Variants in NWD2 observed in about 807,000 individuals in gnomAD.
The protein encoded by NWD2 is NACHT and WD repeat domain-containing protein 2.
NWD2 carries 37 observed loss-of-function variants against 132.7 expected under a neutral mutation model. That is an observed-to-expected ratio of 0.28 (90% confidence interval 0.21 to 0.37). NWD2 has a LOEUF of 0.37. Ranked by LOEUF, NWD2 falls within the 10% of genes least tolerant of loss-of-function variation. The probability of loss-of-function intolerance (pLI) is 1.00; values close to 1 mark genes in which losing one functional copy is unlikely to be tolerated. For missense variants in NWD2, 1,592 were observed against 2,122.4 expected (o/e 0.75, Z 4.91); for synonymous variants, 705 against 803.0 (o/e 0.88, Z 2.06).
chr4:37,267,626 C>T (rs1369758681), intron 1 of NWD2, among the ~76,000 whole-genome samples: 1 of 151,962 alleles, frequency 6.6e-6, no homozygotes, highest in African/African-American at 2.4e-5. Flanking sequence ...AAGTCGTGGG[C>T]TGTAAATTTG....
intron 1 of NWD2, among the ~76,000 whole-genome samples, chr4:37,312,496 C>A (rs1378538303): frequency 6.6e-5 from 10 of 151,082 alleles, no homozygotes; most frequent in Admixed American, 1.3e-4. Context: ...TGAGACTTTG[C>A]TGAAGTTGCT....
chr4:37,428,124 G>A (rs537019199), intron 3 of NWD2, among the ~76,000 whole-genome samples: 1 of 152,238 alleles, frequency 6.6e-6, no homozygotes, highest in Admixed American at 6.5e-5. Context: ...TAGAATTTAG[G>A]TCATGAATTT....
chr4:37,287,751 A>G (rs969596710), intron 1 of NWD2, among the ~76,000 whole-genome samples: 6 of 152,132 alleles, frequency 3.9e-5, no homozygotes, highest in Non-Finnish European at 8.8e-5. Context: ...AGACAAGTGG[A>G]TTTCCCCCTA....
chr4:37,360,263 C>T (rs1267299540), intron 3 of NWD2, among the ~76,000 whole-genome samples: 2 of 152,046 alleles, frequency 1.3e-5, no homozygotes, highest in African/African-American at 4.8e-5. Context: ...GACCAAATAA[C>T]TTAAAATGTA....
chr4:37,268,492 T>G (rs573213214), intron 1 of NWD2, among the ~76,000 whole-genome samples: 15 of 152,072 alleles, frequency 9.9e-5, no homozygotes, highest in Admixed American at 9.9e-4. Context: ...CTCTGTTGTA[T>G]TCATCTATGG....
intron 3 of NWD2, among the ~76,000 whole-genome samples, chr4:37,404,049 T>C (rs1052441229): frequency 1.3e-5 from 2 of 152,142 alleles, no homozygotes; most frequent in Non-Finnish European, 2.9e-5. Flanking sequence ...ATCCCTTAAA[T>C]ACCATTACAT....
At chr4:37,276,974 G>A (rs1718031225) in intron 1 of NWD2, among the ~76,000 whole-genome samples, 1 of 151,964 alleles carries the variant, frequency 6.6e-6, no homozygotes, top group Admixed American at 6.6e-5. Flanking sequence ...TCACACACCG[G>A]GGCCTGTTGT....
intron 3 of NWD2, among the ~76,000 whole-genome samples, chr4:37,420,064 A>G (rs1711758709): frequency 6.6e-6 from 1 of 152,188 alleles, no homozygotes; most frequent in African/African-American, 2.4e-5. Context: ...AAGCAAAAAG[A>G]TCTTATCACA....
rs561819030 is a variant in NWD2 at position 37,344,550 on chromosome 4, G to A, written c.241-11816G>A. On this transcript the variant is annotated intron_variant, in intron 2 of 6. Transcript: ENST00000309447. ...ATTACAAAAGACTTCCATCAGTGGC[G>A]AATAAATGATGTGATACTTTGGCTT... Among the ~76,000 whole-genome samples, 10 of 152,190 alleles carry A rather than the reference G, an allele frequency of 6.6e-5. 1 individual carries two copies. The highest frequency in any genetic ancestry group is 4.2e-4 in the South Asian group (2 of 4,818).
At chr4:37,336,812 G>A (rs182341694) in intron 2 of NWD2, among the ~76,000 whole-genome samples, 1,876 of 151,878 alleles carry the variant, frequency 0.012, 34 homozygotes, top group Admixed American at 0.04. Flanking sequence ...GCTGGTGGGC[G>A]CCTGTAATCC....
intron 1 of NWD2, among the ~76,000 whole-genome samples, chr4:37,250,737 G>A (rs1717341452): frequency 6.6e-6 from 1 of 152,196 alleles, no homozygotes; most frequent in Non-Finnish European, 1.5e-5. Flanking sequence ...CTACAGTCAT[G>A]CATTGCTTAA....
chr4:37,244,928 G>A lies in NWD2; in HGVS notation c.-140G>A. The stretch of plus-strand genomic sequence containing the variant: ...CTGTGCGCCACGGAGCTCGCCAAAG[G>A]CGCTTCGGGCTCGGAGCGGCTCTGA... On this transcript the variant is annotated 5_prime_UTR_variant, in exon 1 of 7. Transcript: ENST00000309447. This position sits in a 1 kb window ranked among gnomAD's most constrained non-coding sequence, Gnocchi z 5.5. The A allele has an allele frequency of 8.9e-7, 1 of 1,123,888 alleles. No individual in the cohort carries two copies. The highest frequency in any genetic ancestry group is 1.6e-5 in the African/African-American group (1 of 61,208). The allele number at this position is 1,123,888 out of a possible 1,614,324, so 69.6% of individuals were successfully genotyped here. A position where few individuals can be genotyped will look rare whatever the true frequency, so the allele number is the denominator to read the frequency against.
At chr4:37,253,365 G>T (rs1394674282) in intron 1 of NWD2, among the ~76,000 whole-genome samples, 1 of 152,174 alleles carries the variant, frequency 6.6e-6, no homozygotes, top group Non-Finnish European at 1.5e-5. Context: ...CTCACTGGAG[G>T]TGGTGGACCT....
chr4:37,252,736 G>A (rs1051212841), intron 1 of NWD2, among the ~76,000 whole-genome samples: 1 of 152,188 alleles, frequency 6.6e-6, no homozygotes, highest in Non-Finnish European at 1.5e-5. Flanking sequence ...CCAGCTTTTC[G>A]CTCATCTTTC....
chr4:37,255,705 G>A (rs962337289), intron 1 of NWD2, among the ~76,000 whole-genome samples: 2 of 152,250 alleles, frequency 1.3e-5, no homozygotes, highest in Admixed American at 1.3e-4. Context: ...TAATCATAAG[G>A]GAGGACTGAG....
chr4:37,335,688 C>T (rs1252996102), intron 2 of NWD2, among the ~76,000 whole-genome samples: 2 of 151,606 alleles, frequency 1.3e-5, no homozygotes, highest in Non-Finnish European at 2.9e-5. Context: ...GTGAACTGTG[C>T]TTGCGAGGGA....
chr4:37,399,144 G>A (rs1560412779), intron 3 of NWD2, among the ~76,000 whole-genome samples: 1 of 152,168 alleles, frequency 6.6e-6, no homozygotes, highest in Non-Finnish European at 1.5e-5. Flanking sequence ...TTGCAGATGA[G>A]GTCCACATAT....
intron 1 of NWD2, among the ~76,000 whole-genome samples, chr4:37,279,795 TA>T (rs200086106): frequency 0.011 from 1,684 of 152,066 alleles, 21 homozygotes; most frequent in Non-Finnish European, 0.017. Flanking sequence ...AAATAAAAAA[TA>T]AAAACAAGAA....
chr4:37,285,054 G>A (rs927224283), intron 1 of NWD2, among the ~76,000 whole-genome samples: 16 of 151,986 alleles, frequency 1.1e-4, no homozygotes, highest in Non-Finnish European at 2.1e-4. Flanking sequence ...TCTTGAAACT[G>A]TAAATGACCG....
Sources: allele counts gnomAD v4.1 joint callset (sites outside exome capture counted in the v4.1 genomes callset), GRCh38; gene constraint gnomAD v4.1.1; non-coding constraint Gnocchi (gnomAD v3.1); transcripts MANE v1.5; gene names NCBI Gene and HGNC (gene_info 2026-07-23, HGNC 2026-07-21).